Variants in MAGI2 observed in about 807,000 individuals in gnomAD.
MAGI2 encodes membrane associated guanylate kinase, WW and PDZ domain containing 2.
A neutral mutation model predicts 133.3 loss-of-function variants in MAGI2; 35 were observed. The ratio of observed to expected loss-of-function variants is 0.26; its 90% confidence interval spans 0.20 to 0.35. The LOEUF (loss-of-function observed/expected upper bound fraction) is 0.35, where lower values mean the gene tolerates loss of function less well. Among genes scored for constraint, MAGI2 ranks in the 10% least tolerant of loss-of-function variants. The probability of loss-of-function intolerance (pLI) is 1.00; values close to 1 mark genes in which losing one functional copy is unlikely to be tolerated. For missense variants in MAGI2, 1,636 were observed against 1,863.4 expected, an observed-to-expected ratio of 0.88 and a Z score of 2.25; for synonymous variants, 729 against 710.6, an observed-to-expected ratio of 1.03 and a Z score of -0.41.
intron 7 of MAGI2, among the ~76,000 whole-genome samples, chr7:78,365,726 G>A (rs562799800): frequency 5.3e-4 from 80 of 152,228 alleles, no homozygotes; most frequent in African/African-American, 1.7e-3. Context: ...AATTTGCAGG[G>A]GATAGAACAG....
chr7:78,900,477 C>T (rs1228548457), intron 2 of MAGI2, among the ~76,000 whole-genome samples: 1 of 152,206 alleles, frequency 6.6e-6, no homozygotes, highest in East Asian at 1.9e-4. Context: ...ACACATCAAG[C>T]AAGCTCTCTA....
At position 79,263,486 on chromosome 7, in the gene MAGI2, C is replaced by G. The variant is rs537749547; in HGVS notation, c.301+189534G>C. Among the ~76,000 whole-genome samples, 4 of 152,196 alleles carry G rather than the reference C, an allele frequency of 2.6e-5. No individual in the cohort carries two copies. In the East Asian group the frequency reaches 5.8e-4, roughly 22 times the overall value. ...CTGTATACATTGTTAAAATACAGAG[C>G]CTTCAAGTTAACAAGTTTTTACAAA... On this transcript the variant is annotated intron_variant, in intron 1 of 21. Coordinates refer to ENST00000354212, the MANE Select transcript of MAGI2 (RefSeq NM_012301.4).
At chr7:78,770,692 T>C (rs1825499053) in intron 2 of MAGI2, among the ~76,000 whole-genome samples, 1 of 152,144 alleles carries the variant, frequency 6.6e-6, no homozygotes, top group Admixed American at 6.5e-5. Context: ...GCAAATGAAG[T>C]GAGAGTCGAA....
chr7:78,019,803 C>G lies in MAGI2; in HGVS notation c.3880G>C (p.Val1294Leu), dbSNP rs886757342. 6 of 1,613,248 alleles carry G rather than the reference C, an allele frequency of 3.7e-6. No individual in the cohort carries two copies. The highest frequency in any genetic ancestry group is 2.2e-5 in the South Asian group (2 of 91,072). ...GCTGAAAGCTCCTTTGGTTTCCTAACGTCGTGTTCCCGTTTGATATCCCAA... is the reference window on the plus strand; with the variant it reads ...GCTGAAAGCTCCTTTGGTTTCCTAAGGTCGTGTTCCCGTTTGATATCCCAA... ...PTWDIKREHDVRKPKELSACG... is the reference protein window; with the variant it reads ...PTWDIKREHDLRKPKELSACG... The change falls in exon 22 of 22, where the codon GTT becomes CTT. Residue 1294 changes from valine (V) to leucine (L), a missense_variant. By Grantham distance (32) the Val-to-Leu change is conservative. Around this residue, in one of 5 missense-constraint regions of MAGI2, gnomAD observed 354 missense variants for 298.7 expected, o/e 1.19. Transcript: ENST00000354212.
At chr7:78,778,980 C>T (rs963636017) in intron 2 of MAGI2, among the ~76,000 whole-genome samples, 17 of 144,250 alleles carry the variant, frequency 1.2e-4, no homozygotes, top group Non-Finnish European at 2.1e-4. Context: ...GATCTCAGCT[C>T]ACTGCAACCT....
chr7:78,980,040 A>T (rs1804641536), intron 2 of MAGI2, among the ~76,000 whole-genome samples: 1 of 151,834 alleles, frequency 6.6e-6, no homozygotes. Flanking sequence ...ATTCATACCC[A>T]TGAGAGGAAA....
At chr7:78,571,447 C>T (rs567291431) in intron 3 of MAGI2, among the ~76,000 whole-genome samples, 25 of 152,268 alleles carry the variant, frequency 1.6e-4, no homozygotes, top group African/African-American at 5.5e-4. Flanking sequence ...CTCAAAGATG[C>T]TTGAAATAGC....
chr7:78,765,285 C>G (rs7780363), intron 2 of MAGI2, among the ~76,000 whole-genome samples: 134,997 of 150,198 alleles, frequency 0.9, 60,748 homozygotes, highest in East Asian at 1. Flanking sequence ...CACTATATTG[C>G]TGCCTTAGTA....
rs145824192 is a variant in MAGI2 at position 78,906,464 on chromosome 7, A to G, written c.418+100626T>C. Among the ~76,000 whole-genome samples the G allele has an allele frequency of 1.1e-3, 172 of 152,292 alleles. 2 individuals are homozygous for G. The highest frequency in any genetic ancestry group is 3.8e-3 in the African/African-American group (160 of 41,564). ...GCATACTGATGTTGACTTGGTTTTT[A>G]TCACCATAGAGTAATTTTAGCCACA... On this transcript the variant is annotated intron_variant, in intron 2 of 21. Coordinates refer to ENST00000354212, the MANE Select transcript of MAGI2 (RefSeq NM_012301.4).
chr7:78,597,375 G>T (rs1377513593), intron 3 of MAGI2, among the ~76,000 whole-genome samples: 1 of 16,852 alleles, frequency 5.9e-5, no homozygotes. Flanking sequence ...TGAATTCCTT[G>T]GGGGGGGGGG....
chr7:78,291,333 A>G (rs189975135), intron 9 of MAGI2, among the ~76,000 whole-genome samples: 142 of 152,374 alleles, frequency 9.3e-4, no homozygotes, highest in African/African-American at 3.3e-3. Context: ...AAAATCTAGA[A>G]GAAATGGATA....
At chr7:78,464,994 G>A (rs1406057507) in intron 6 of MAGI2, among the ~76,000 whole-genome samples, 5 of 151,968 alleles carry the variant, frequency 3.3e-5, no homozygotes, top group African/African-American at 4.8e-5. Flanking sequence ...TCTATAATCA[G>A]TTTTCCTCAT....
chr7:78,840,528 T>C (rs1039421084), intron 2 of MAGI2, among the ~76,000 whole-genome samples: 1 of 152,176 alleles, frequency 6.6e-6, no homozygotes, highest in East Asian at 1.9e-4. Context: ...CCACACTTTA[T>C]GTGGAGTCCA....
At chr7:78,205,223 C>G (rs997335445) in intron 10 of MAGI2, among the ~76,000 whole-genome samples, 2 of 152,196 alleles carry the variant, frequency 1.3e-5, no homozygotes, top group Non-Finnish European at 2.9e-5. Flanking sequence ...CCTCTACCTC[C>G]CAGGCTAAAG....
intron 1 of MAGI2, among the ~76,000 whole-genome samples, chr7:79,375,191 C>A (rs1843301330): frequency 6.6e-6 from 1 of 151,836 alleles, no homozygotes; most frequent in Non-Finnish European, 1.5e-5. Flanking sequence ...TCAGGAAAGC[C>A]AAATAAATAC....
intron 1 of MAGI2, among the ~76,000 whole-genome samples, chr7:79,039,258 C>G (rs1441008523): frequency 1.3e-5 from 2 of 152,090 alleles, no homozygotes; most frequent in Non-Finnish European, 2.9e-5. Flanking sequence ...GCTCCCACTT[C>G]CATCACGATT....
chr7:78,134,822 G>C (rs1821937512), intron 17 of MAGI2, 199 bp downstream of exon 17: 1 of 551,286 alleles, frequency 1.8e-6, no homozygotes, highest in Non-Finnish European at 3.2e-6. Context: ...GAATGAAACA[G>C]GTACTGAGTA....
intron 1 of MAGI2, among the ~76,000 whole-genome samples, chr7:79,099,091 T>G (rs2191722): frequency 0.64 from 97,601 of 151,876 alleles, 36,764 homozygotes; most frequent in Non-Finnish European, 0.85. Flanking sequence ...AAATAATGAT[T>G]TGAACATTAA....
chr7:78,576,617 A>G (rs1381370888), intron 3 of MAGI2, among the ~76,000 whole-genome samples: 2 of 150,720 alleles, frequency 1.3e-5, no homozygotes, highest in Non-Finnish European at 3.0e-5. Flanking sequence ...TTACACATAG[A>G]CACCAAGGAA....
Sources: allele counts gnomAD v4.1 joint callset (sites outside exome capture counted in the v4.1 genomes callset), GRCh38; gene constraint gnomAD v4.1.1; regional missense constraint gnomAD v4.1.1; transcripts MANE v1.5; gene names NCBI Gene and HGNC (gene_info 2026-07-23, HGNC 2026-07-21).